Variants in KCNIP4 observed in about 807,000 individuals in gnomAD.
The protein encoded by KCNIP4 is Kv channel-interacting protein 4.
KCNIP4 carries 12 observed loss-of-function variants against 34.0 expected under a neutral mutation model. The ratio of observed to expected loss-of-function variants is 0.35; its 90% CI spans 0.23 to 0.57. KCNIP4 has a LOEUF of 0.57. Ranked by LOEUF, KCNIP4 falls within the 20% of genes least tolerant of loss-of-function variation. KCNIP4 has a pLI of 0.83. For synonymous variants in KCNIP4, 124 were observed against 102.2 expected (o/e 1.21, Z -1.29); for missense variants, 238 against 311.7 (o/e 0.76, Z 1.78).
intron 1 of KCNIP4, among the ~76,000 whole-genome samples, chr4:21,052,375 T>C (rs1418249894): frequency 6.6e-6 from 1 of 152,192 alleles, no homozygotes; most frequent in African/African-American, 2.4e-5. Context: ...ATATTGTATA[T>C]AAAATTGTGA....
At chr4:21,112,508 G>A (rs1312022933) in intron 1 of KCNIP4, among the ~76,000 whole-genome samples, 1 of 152,156 alleles carries the variant, frequency 6.6e-6, no homozygotes, top group Non-Finnish European at 1.5e-5. Flanking sequence ...GCAAAGATGG[G>A]CTGCCAGCCA....
chr4:21,839,120 C>A (rs1315324632), intron 1 of KCNIP4, among the ~76,000 whole-genome samples: 11 of 152,140 alleles, frequency 7.2e-5, no homozygotes. Flanking sequence ...AATTTATATT[C>A]TCTCAACACT....
chr4:21,493,512 A>C (rs964361636), intron 1 of KCNIP4, among the ~76,000 whole-genome samples: 1 of 152,168 alleles, frequency 6.6e-6, no homozygotes, highest in African/African-American at 2.4e-5. Flanking sequence ...GTACCACATA[A>C]ACTCCTACAA....
intron 1 of KCNIP4, among the ~76,000 whole-genome samples, chr4:21,705,963 G>C (rs1713231725): frequency 6.6e-6 from 1 of 152,138 alleles, no homozygotes; most frequent in Admixed American, 6.6e-5. Flanking sequence ...ATGTGTGCAA[G>C]GATCCCACTG....
intron 1 of KCNIP4, among the ~76,000 whole-genome samples, chr4:21,348,712 G>A (rs1717707788): frequency 6.6e-6 from 1 of 152,154 alleles, no homozygotes; most frequent in African/African-American, 2.4e-5. Context: ...GCTGCGCTAT[G>A]ATATTTTACT....
At chr4:21,052,684 G>A (rs961784309) in intron 1 of KCNIP4, among the ~76,000 whole-genome samples, 15 of 152,178 alleles carry the variant, frequency 9.9e-5, no homozygotes, top group Non-Finnish European at 2.9e-5. Context: ...GGCATGGAGT[G>A]AAAGGTCTAA....
chr4:20,915,147 C>A (rs953341666), intron 1 of KCNIP4, among the ~76,000 whole-genome samples: 1 of 152,212 alleles, frequency 6.6e-6, no homozygotes, highest in Non-Finnish European at 1.5e-5. Flanking sequence ...AAAGCGCCAA[C>A]AAACGCTATT....
intron 1 of KCNIP4, among the ~76,000 whole-genome samples, chr4:21,814,484 C>A (rs976529224): frequency 2.6e-5 from 4 of 152,256 alleles, no homozygotes; most frequent in Admixed American, 2.6e-4. Context: ...CCTGTCGCCA[C>A]GTAAGACGTC....
chr4:21,490,303 A>G (rs1018421838), intron 1 of KCNIP4, among the ~76,000 whole-genome samples: 4 of 152,214 alleles, frequency 2.6e-5, no homozygotes, highest in African/African-American at 9.6e-5. Context: ...ATACCTGAAT[A>G]GAAGCACTTG....
chr4:21,380,040 C>A (rs1006196095), intron 1 of KCNIP4, among the ~76,000 whole-genome samples: 1 of 152,078 alleles, frequency 6.6e-6, no homozygotes, highest in Non-Finnish European at 1.5e-5. Flanking sequence ...TTTCATATCA[C>A]CATAGTTGCT....
intron 1 of KCNIP4, among the ~76,000 whole-genome samples, chr4:20,885,480 A>AC (rs1725196677): frequency 6.6e-6 from 1 of 152,106 alleles, no homozygotes; most frequent in Admixed American, 6.5e-5. Flanking sequence ...CTAGGATTGC[A>AC]CCCCAACCAA....
chr4:21,893,475 T>C (rs1019002183), intron 1 of KCNIP4, among the ~76,000 whole-genome samples: 2 of 152,180 alleles, frequency 1.3e-5, no homozygotes, highest in Non-Finnish European at 1.5e-5. Context: ...TTCCCATCAA[T>C]GAGTAAAATG....
chr4:20,842,794 G>A (rs1447059986), intron 3 of KCNIP4, among the ~76,000 whole-genome samples: 1 of 152,116 alleles, frequency 6.6e-6, no homozygotes, highest in African/African-American at 2.4e-5. Context: ...GGGCAGTGGA[G>A]AGGGAAAGGC....
At chr4:20,791,316 A>G (rs1712728302) in intron 3 of KCNIP4, among the ~76,000 whole-genome samples, 1 of 152,100 alleles carries the variant, frequency 6.6e-6, no homozygotes, top group Non-Finnish European at 1.5e-5. Flanking sequence ...CAAGCAGCAG[A>G]AAACTGATGT....
At chr4:21,406,647 A>T (rs1439621031) in intron 1 of KCNIP4, among the ~76,000 whole-genome samples, 1 of 152,204 alleles carries the variant, frequency 6.6e-6, no homozygotes, top group East Asian at 1.9e-4. Flanking sequence ...GATGTAATTG[A>T]GTTTTGTGCT....
At chr4:21,354,128 T>G (rs1718313849) in intron 1 of KCNIP4, among the ~76,000 whole-genome samples, 1 of 152,146 alleles carries the variant, frequency 6.6e-6, no homozygotes, top group Admixed American at 6.6e-5. Flanking sequence ...AGGCCTGCCC[T>G]ACAAGACCTC....
At chr4:21,075,314 G>T (rs182178319) in intron 1 of KCNIP4, among the ~76,000 whole-genome samples, 5 of 152,206 alleles carry the variant, frequency 3.3e-5, no homozygotes, top group South Asian at 2.1e-4. Context: ...TTATGAATCT[G>T]GGTGCTCTTG....
intron 1 of KCNIP4, among the ~76,000 whole-genome samples, chr4:21,633,432 C>T (rs981519645): frequency 1.3e-5 from 2 of 152,110 alleles, no homozygotes; most frequent in Non-Finnish European, 2.9e-5. Context: ...CACACTTTTG[C>T]TCCTTGGTAC....
At chr4:21,755,469 AGACTTACC>A (rs1717443534) in intron 1 of KCNIP4, among the ~76,000 whole-genome samples, 1 of 152,190 alleles carries the variant, frequency 6.6e-6, no homozygotes, top group African/African-American at 2.4e-5. Context: ...AGGAACAGGC[AGACTTACC>A]CCCGGGGCAA....
Sources: gnomAD v4.1 joint callset for allele counts (sites outside exome capture counted in the v4.1 genomes callset) on GRCh38, gnomAD v4.1.1 for gene constraint, MANE v1.5 for transcripts, NCBI Gene and HGNC (gene_info 2026-07-23, HGNC 2026-07-21) for gene names.